PBX4: variants seen among roughly 807,000 people sequenced by gnomAD.
PBX4 encodes PBX homeobox 4.
Under a neutral mutation model 35.1 loss-of-function variants are expected in PBX4, and 26 were observed. The observed-to-expected ratio is 0.74, with a 90% CI of 0.54 to 1.03. The LOEUF (loss-of-function observed/expected upper bound fraction) is 1.03, where lower values mean the gene tolerates loss of function less well. PBX4 is among the 50% of genes least tolerant of loss of function. The pLI is 0.00. For synonymous variants in PBX4, 199 were observed against 204.2 expected, an observed-to-expected ratio of 0.97 and a Z score of 0.22; for missense variants, 448 against 504.3, an observed-to-expected ratio of 0.89 and a Z score of 1.07.
intron 2 of PBX4, among the ~76,000 whole-genome samples, chr19:19,589,154 T>C (rs7245672): frequency 0.68 from 102,840 of 151,928 alleles, 34,938 homozygotes; most frequent in African/African-American, 0.69. Context: ...AGAGGCTGGG[T>C]GCGGTGGCTC....
At chr19:19,585,813 T>C (rs1267180148) in intron 2 of PBX4, among the ~76,000 whole-genome samples, 1 of 152,074 alleles carries the variant, frequency 6.6e-6, no homozygotes, top group Non-Finnish European at 1.5e-5. Context: ...AACACATTAC[T>C]CCTAACTTCA....
At chr19:19,590,254 C>T (rs977498622) in intron 2 of PBX4, among the ~76,000 whole-genome samples, 7 of 152,118 alleles carry the variant, frequency 4.6e-5, no homozygotes, top group African/African-American at 7.2e-5. Flanking sequence ...GGGACAACCA[C>T]GAGTCTTCCT....
chr19:19,570,016 GCCTCCA>G, intron 4 of PBX4, 87 bp downstream of exon 4: 4 of 1,339,844 alleles, frequency 3.0e-6, no homozygotes, highest in Non-Finnish European at 4.0e-6. Context: ...TGCAGACACA[GCCTCCA>G]GGGCTGTCTT....
Position 19,601,902 on chromosome 19 carries a change from G to A in PBX4, c.120-2537C>T, listed in dbSNP as rs566294125. Among the ~76,000 whole-genome samples the A allele has an allele frequency of 7.7e-4, 118 of 152,272 alleles. No individual in the cohort carries two copies. In the South Asian group the frequency reaches 0.017, roughly 21 times the overall value. On this transcript the variant is annotated intron_variant, in intron 1 of 7. Transcript: ENST00000251203. ...GCCTGTAATTCTAGCATTTTGGGAG[G>A]CCGAGGCAGGCAGATCGCTGGAGCT...
intron 1 of PBX4, among the ~76,000 whole-genome samples, chr19:19,614,229 G>C (rs765147516): frequency 7.9e-5 from 12 of 152,000 alleles, no homozygotes; most frequent in Non-Finnish European, 1.6e-4. Flanking sequence ...CTACTTGGGA[G>C]ACTGAGGCTG....
chr19:19,587,094 T>C (rs973088662), intron 2 of PBX4, among the ~76,000 whole-genome samples: 6 of 151,976 alleles, frequency 3.9e-5, no homozygotes, highest in African/African-American at 1.4e-4. Flanking sequence ...AACCTCTGCC[T>C]CTCAGGTTCA....
intron 2 of PBX4, among the ~76,000 whole-genome samples, chr19:19,594,181 G>A (rs572881907): frequency 6.6e-6 from 1 of 151,884 alleles, no homozygotes; most frequent in Non-Finnish European, 1.5e-5. Context: ...CGAGGCGGGC[G>A]GATCACCTGA....
chr19:19,597,934 T>C (rs1174328861), intron 2 of PBX4, among the ~76,000 whole-genome samples: 3 of 152,136 alleles, frequency 2.0e-5, no homozygotes, highest in Non-Finnish European at 2.9e-5. Flanking sequence ...GATGCACAAC[T>C]TCAGTCCAAT....
chr19:19,602,682 G>A (rs375267265), intron 1 of PBX4, among the ~76,000 whole-genome samples: 13 of 152,078 alleles, frequency 8.5e-5, no homozygotes, highest in African/African-American at 2.7e-4. Context: ...AGATCCCCCC[G>A]CCTTGGCCCC....
chr19:19,583,454 T>A (rs991835593), intron 2 of PBX4, among the ~76,000 whole-genome samples: 2 of 151,096 alleles, frequency 1.3e-5, no homozygotes, highest in Non-Finnish European at 2.9e-5. Flanking sequence ...CTACAAAAAA[T>A]TTTAAAAAAT....
intron 1 of PBX4, among the ~76,000 whole-genome samples, chr19:19,602,290 A>G (rs2061602728): frequency 6.6e-6 from 1 of 152,184 alleles, no homozygotes; most frequent in African/African-American, 2.4e-5. Context: ...ATTTAGCAAC[A>G]TGAAGGTCAT....
chr19:19,564,966 T>C lies in PBX4; in HGVS notation c.892A>G (p.Asn298Asp), dbSNP rs1420656020. 1 of 1,614,232 alleles carries C rather than the reference T, an allele frequency of 6.2e-7. No individual in the cohort carries two copies. The highest frequency in any genetic ancestry group is 1.1e-5 in the South Asian group (1 of 91,086). The change falls in exon 6 of 8, where the codon AAC becomes GAC. Residue 298 changes from asparagine to aspartate, a missense_variant. Asn to Asp is a conservative substitution (Grantham distance 23). Transcript: ENST00000251203. Reference protein sequence around the residue: ...VDTTEVGVPGNHASCLSTPSS... With the variant: ...VDTTEVGVPGDHASCLSTPSS... ...GGTGTTGACAGGCAGCTGGCGTGGT[T>C]CCCTGGGACCCCAACTTCCGTGGTA... is the stretch of plus-strand genomic sequence containing the variant.
At chr19:19,587,325 C>T (rs1169449592) in intron 2 of PBX4, among the ~76,000 whole-genome samples, 3 of 152,022 alleles carry the variant, frequency 2.0e-5, no homozygotes, top group South Asian at 2.1e-4. Flanking sequence ...CAGTGGCTCA[C>T]GCCTGTAATA....
intron 5 of PBX4, among the ~76,000 whole-genome samples, chr19:19,565,936 C>CA (rs1555733063): frequency 5.3e-5 from 8 of 150,018 alleles, no homozygotes; most frequent in Non-Finnish European, 1.5e-5. Context: ...TATATTTTTT[C>CA]TTTTTTTTTA....
intron 4 of PBX4, among the ~76,000 whole-genome samples, 177 bp from the exon 5 acceptor site, chr19:19,569,761 T>A (rs934451156): frequency 2.0e-5 from 3 of 151,942 alleles, no homozygotes; most frequent in Non-Finnish European, 4.4e-5. Context: ...AACACAAAAA[T>A]TAGCTGGGCA....
intron 2 of PBX4, among the ~76,000 whole-genome samples, chr19:19,590,209 T>C (rs2061518111): frequency 6.6e-6 from 1 of 152,196 alleles, no homozygotes; most frequent in Middle Eastern, 3.2e-3. Flanking sequence ...CCCGTCTCTA[T>C]GAGCAGTCAC....
intron 2 of PBX4, among the ~76,000 whole-genome samples, chr19:19,583,939 C>G (rs2061472538): frequency 6.6e-6 from 1 of 152,108 alleles, no homozygotes; most frequent in African/African-American, 2.4e-5. Flanking sequence ...CATGGTGGCA[C>G]ATGCCTGTAA....
rs771644882 is a variant in PBX4 at position 19,599,241 on chromosome 19, A to T, written c.193+51T>A. 1.5e-5 allele frequency: 22 copies of T among 1,463,544 alleles called. No individual in the cohort carries two copies. In the South Asian group the frequency reaches 2.5e-4, roughly 17 times the overall value. 90.7% of individuals were successfully genotyped at this position (1,463,544 alleles called of 1,614,324 possible). A position where few individuals can be genotyped will look rare whatever the true frequency, so the allele number is the denominator to read the frequency against. ...CTCCGCCTCCCAATGTGCTGGGATTACAGGCATGAGCCACCACGCTCGGCC... is the reference window on the plus strand; with the variant it reads ...CTCCGCCTCCCAATGTGCTGGGATTTCAGGCATGAGCCACCACGCTCGGCC... On this transcript the variant is annotated intron_variant, in intron 2 of 7. Transcript: ENST00000251203.
intron 1 of PBX4, among the ~76,000 whole-genome samples, chr19:19,603,681 G>T (rs1376821134): frequency 6.6e-6 from 1 of 152,206 alleles, no homozygotes; most frequent in Non-Finnish European, 1.5e-5. Flanking sequence ...AAATGGCCAG[G>T]CGCAGTGGCT....
Sources: gnomAD v4.1 joint callset for allele counts (sites outside exome capture counted in the v4.1 genomes callset) on GRCh38, gnomAD v4.1.1 for gene constraint, MANE v1.5 for transcripts, NCBI Gene and HGNC (gene_info 2026-07-23, HGNC 2026-07-21) for gene names.